The following TMPRSS15 variants were observed in gnomAD, a reference collection of about 807,000 sequenced individuals.
TMPRSS15 encodes enteropeptidase.
A neutral mutation model predicts 125.3 loss-of-function variants in TMPRSS15; 128 were observed. The observed-to-expected ratio is 1.02, with a 90% CI of 0.89 to 1.18. TMPRSS15 has a LOEUF of 1.18. Ranked by LOEUF, TMPRSS15 falls within the 50% of genes most tolerant of loss-of-function variation. The probability of loss-of-function intolerance (pLI) is 0.00; values close to 1 mark genes in which losing one functional copy is unlikely to be tolerated. For missense variants in TMPRSS15, 1,283 were observed against 1,212.7 expected (o/e 1.06, Z -0.86); for synonymous variants, 446 against 423.2 (o/e 1.05, Z -0.66).
At chr21:18,410,150 A>G (rs977309978) in intron 1 of TMPRSS15, among the ~76,000 whole-genome samples, 5 of 148,370 alleles carry the variant, frequency 3.4e-5, no homozygotes, top group African/African-American at 5.0e-5. Flanking sequence ...GTGGTTAGAG[A>G]AAGGTTTTGA....
chr21:18,301,279 T>C (rs1395370526), intron 18 of TMPRSS15, among the ~76,000 whole-genome samples: 1 of 152,190 alleles, frequency 6.6e-6, no homozygotes, highest in African/African-American at 2.4e-5. Flanking sequence ...TCAAACTCAT[T>C]CTTTTTCTGA....
chr21:18,369,973 C>CAAAAAAAAAAAAAAAAAAA (rs148057792), intron 6 of TMPRSS15, among the ~76,000 whole-genome samples: 14 of 135,976 alleles, frequency 1.0e-4, no homozygotes, highest in African/African-American at 1.6e-4. Flanking sequence ...CTTACTTAAA[C>CAAAAAAAAAAAAAAAAAAA]GAAAAAAAAA....
At chr21:18,362,187 C>T (rs1004737886) in intron 7 of TMPRSS15, among the ~76,000 whole-genome samples, 2 of 152,122 alleles carry the variant, frequency 1.3e-5, no homozygotes, top group Non-Finnish European at 2.9e-5. Context: ...TGTTTAAATT[C>T]TGCCTCTGTT....
chr21:18,284,638 T>G (rs367774297), intron 21 of TMPRSS15, among the ~76,000 whole-genome samples: 1 of 152,182 alleles, frequency 6.6e-6, no homozygotes, highest in East Asian at 1.9e-4. Context: ...GCTATAGCGC[T>G]GAAGATAGAT....
At position 18,481,693 on chromosome 21, in the gene TMPRSS15, TCTTA is replaced by T. The variant is rs1445709486; in HGVS notation, c.10+4102_10+4105del. ...GCAGTTCTATTAGTAAAACTCTCTC[TCTTA>T]CTAAGGAGTAAAATTAAATTTTACT... On this transcript the variant is annotated intron_variant, in intron 1 of 7. Coordinates refer to the TMPRSS15 transcript ENST00000422787. 7.2e-5 allele frequency among the ~76,000 whole-genome samples: 11 copies of T among 151,854 alleles called. No individual in the cohort carries two copies. The East Asian group carries it at 1.7e-3, about 24-fold the overall frequency.
chr21:18,384,819 A>G (rs1342271518), intron 3 of TMPRSS15, among the ~76,000 whole-genome samples: 1 of 152,312 alleles, frequency 6.6e-6, no homozygotes, highest in African/African-American at 2.4e-5. Flanking sequence ...ATGTAAGTTT[A>G]TGAGCTTGTT....
chr21:18,463,784 G>A (rs1042891062), intron 1 of TMPRSS15, among the ~76,000 whole-genome samples: 3 of 152,124 alleles, frequency 2.0e-5, no homozygotes, highest in Admixed American at 6.5e-5. Context: ...TAGAACTCAG[G>A]ATTAAGAAAC....
At chr21:18,480,369 T>C (rs1385760890) in intron 1 of TMPRSS15, among the ~76,000 whole-genome samples, 1 of 151,918 alleles carries the variant, frequency 6.6e-6, no homozygotes, top group Non-Finnish European at 1.5e-5. Context: ...AAAGACTCTC[T>C]TACAATATAG....
intron 21 of TMPRSS15, among the ~76,000 whole-genome samples, chr21:18,288,642 G>A (rs2074795931): frequency 7.1e-6 from 1 of 140,930 alleles, no homozygotes; most frequent in South Asian, 2.3e-4. Context: ...CCGGGTTCAA[G>A]CAATTCTCTT....
At chr21:18,306,276 T>C (rs2075037858) in intron 18 of TMPRSS15, among the ~76,000 whole-genome samples, 1 of 152,144 alleles carries the variant, frequency 6.6e-6, no homozygotes, top group Admixed American at 6.5e-5. Flanking sequence ...CTCCTTAAAC[T>C]AGGATGAAAC....
At chr21:18,354,980 A>C (rs976486521) in intron 8 of TMPRSS15, among the ~76,000 whole-genome samples, 6 of 151,846 alleles carry the variant, frequency 4.0e-5, no homozygotes, top group African/African-American at 1.2e-4. Context: ...GATACATACA[A>C]TGGAATTTCA....
intron 3 of TMPRSS15, among the ~76,000 whole-genome samples, chr21:18,396,702 A>AGGTG (rs2076040572): frequency 6.8e-6 from 1 of 146,918 alleles, no homozygotes; most frequent in African/African-American, 2.5e-5. Context: ...TGAACCTGGG[A>AGGTG]GGTGGAGCTT....
intron 1 of TMPRSS15, among the ~76,000 whole-genome samples, chr21:18,433,379 T>A (rs899849484): frequency 3.3e-5 from 5 of 152,136 alleles, no homozygotes; most frequent in Non-Finnish European, 7.4e-5. Context: ...CTGGAACTTC[T>A]GCCTCATTTA....
chr21:18,334,734 A>T (rs2075375343), intron 13 of TMPRSS15, among the ~76,000 whole-genome samples: 1 of 152,188 alleles, frequency 6.6e-6, no homozygotes. Context: ...AGACCTCATC[A>T]TGGTTAATCT....
intron 23 of TMPRSS15, among the ~76,000 whole-genome samples, chr21:18,275,984 T>G (rs1601251171): frequency 3.3e-5 from 5 of 152,172 alleles, no homozygotes; most frequent in East Asian, 1.9e-4. Context: ...CCAAGAGAGA[T>G]GTGAAACAAG....
chr21:18,423,748 G>T (rs952036175), intron 1 of TMPRSS15, among the ~76,000 whole-genome samples: 2 of 151,982 alleles, frequency 1.3e-5, no homozygotes, highest in African/African-American at 2.4e-5. Flanking sequence ...TTGCTCAGTG[G>T]TTCCGCTTCC....
At chr21:18,326,761 C>T (rs1320428155) in intron 15 of TMPRSS15, among the ~76,000 whole-genome samples, 189 bp from the exon 16 acceptor site, 1 of 152,196 alleles carries the variant, frequency 6.6e-6, no homozygotes, top group Non-Finnish European at 1.5e-5. Context: ...AAGCAAACTT[C>T]TCTTTAAATT....
chr21:18,436,340 C>G (rs945336609), intron 1 of TMPRSS15, among the ~76,000 whole-genome samples: 6 of 152,012 alleles, frequency 3.9e-5, no homozygotes, highest in African/African-American at 1.4e-4. Flanking sequence ...TGTTTTTGTT[C>G]TCATTGGTTT....
chr21:18,332,415 T>C (rs2075354712), intron 13 of TMPRSS15, among the ~76,000 whole-genome samples: 1 of 152,212 alleles, frequency 6.6e-6, no homozygotes, highest in South Asian at 2.1e-4. Context: ...CGCATGTATG[T>C]CACCTTTTGA....
Sources: gnomAD v4.1 joint callset for allele counts (sites outside exome capture counted in the v4.1 genomes callset) on GRCh38, gnomAD v4.1.1 for gene constraint, MANE v1.5 for transcripts, NCBI Gene and HGNC (gene_info 2026-07-23, HGNC 2026-07-21) for gene names.